Variants in KLF17 observed in about 807,000 individuals in gnomAD.
The protein encoded by KLF17 is KLF transcription factor 17.
Under a neutral mutation model 34.2 loss-of-function variants are expected in KLF17, and 31 were observed. That is an observed-to-expected ratio of 0.91 (90% CI 0.68 to 1.22). KLF17 has a LOEUF of 1.22. Among genes scored for constraint, KLF17 ranks in the 50% most tolerant of loss-of-function variants. The pLI is 0.00. For missense variants in KLF17, 478 were observed against 505.2 expected (o/e 0.95, Z 0.52); for synonymous variants, 179 against 186.7 (o/e 0.96, Z 0.34).
chr1:44,130,692 C>T lies in KLF17; in HGVS notation c.1106C>T (p.Pro369Leu). The change falls in exon 3 of 4, where the codon CCC becomes CTC. Residue 369 changes from proline (P) to leucine (L), a missense_variant. Transcript: ENST00000372299. ...KQHQKTHRPG[P>L]SDPQANNNNG... ...CACCAGAAGACTCATCGGCCGGGAC[C>T]CTCAGACCCACAGGCCAACAACAAC... The T allele has an allele frequency of 1.2e-6, 2 of 1,611,460 alleles. No homozygotes were observed. The highest frequency in any genetic ancestry group is 1.7e-6 in the Non-Finnish European group (2 of 1,179,158).
the KLF17 span, among the ~76,000 whole-genome samples, chr1:44,081,563 C>G: frequency 2.0e-5 from 3 of 151,816 alleles, no homozygotes; most frequent in South Asian, 6.2e-4. Flanking sequence ...CTACAGGTGC[C>G]CACCCCCGCA....
the KLF17 span, among the ~76,000 whole-genome samples, chr1:44,077,637 T>C: frequency 6.6e-6 from 1 of 152,196 alleles, no homozygotes; most frequent in Non-Finnish European, 1.5e-5. Context: ...TGATGCTGAC[T>C]ATTGTTTGGG....
rs139094538 is a variant in KLF17, at chr1:44,121,241, C to G, written c.81+2253C>G. Among the ~76,000 whole-genome samples the G allele has an allele frequency of 5.2e-3, 786 of 152,268 alleles. 7 individuals are homozygous for G. The highest frequency in any genetic ancestry group is 7.4e-3 in the Non-Finnish European group (505 of 68,018). ...AAGCAATTCTCGTGCCTCAGCCTCCCAAGTAGCTGGGATTACAGGCGTGTG... is the reference window on the plus strand; with the variant it reads ...AAGCAATTCTCGTGCCTCAGCCTCCGAAGTAGCTGGGATTACAGGCGTGTG... On this transcript the variant is annotated intron_variant, in intron 1 of 3. Transcript: ENST00000372299.
the KLF17 span, among the ~76,000 whole-genome samples, chr1:44,065,803 CAT>C: frequency 4.6e-5 from 7 of 152,098 alleles, no homozygotes; most frequent in African/African-American, 1.7e-4. Flanking sequence ...ATATTTATAA[CAT>C]ATATAATCAG....
intron 1 of KLF17, among the ~76,000 whole-genome samples, chr1:44,127,610 C>CTT (rs986132286): frequency 6.7e-5 from 6 of 89,380 alleles, no homozygotes; most frequent in African/African-American, 2.2e-4. Context: ...CCCTTTCTTT[C>CTT]TTTCTTTTCT....
the KLF17 span, among the ~76,000 whole-genome samples, chr1:44,102,155 T>C: frequency 6.6e-6 from 1 of 152,186 alleles, no homozygotes; most frequent in African/African-American, 2.4e-5. Context: ...CAATAATCAC[T>C]TTAATTGTCA....
In KLF17 at chr1:44,134,422, G is replaced by C. The variant is rs1237505624; in HGVS notation, c.*1185G>C. ...GCGGGTACCGTAATCCTAGCTACTC[G>C]GGAGACTGACGGGAGAATCGCTTGA... On this transcript the variant is annotated 3_prime_UTR_variant, in exon 4 of 4. Transcript: ENST00000372299. The C allele has an allele frequency of 6.6e-6, 1 of 152,210 alleles. No individual in the cohort carries two copies. Among genetic ancestry groups the C allele is most frequent in the Non-Finnish European group, 1.5e-5 (1 of 68,130 alleles). The allele number at this position is 152,210 out of a possible 1,614,324, so 9.4% of individuals were successfully genotyped here. A position where few individuals can be genotyped will look rare whatever the true frequency, so the allele number is the denominator to read the frequency against.
At chr1:44,053,481 CT>C in the KLF17 span, among the ~76,000 whole-genome samples, 2 of 152,106 alleles carry the variant, frequency 1.3e-5, no homozygotes, top group Non-Finnish European at 2.9e-5. Context: ...CACCACTTCT[CT>C]AGTGCAGAAT....
chr1:44,076,289 C>A, the KLF17 span: 15,344 of 152,344 alleles, frequency 0.1, 753 homozygotes, highest in Non-Finnish European at 0.12. Flanking sequence ...CTCCTTGCAA[C>A]CCTTCCCACT....
the KLF17 span, among the ~76,000 whole-genome samples, chr1:44,070,159 C>T: frequency 1.6e-4 from 25 of 152,278 alleles, no homozygotes; most frequent in East Asian, 4.4e-3. Context: ...CCCCAAATCT[C>T]CCTCTACCAA....
At chr1:44,097,088 CT>C in the KLF17 span, among the ~76,000 whole-genome samples, 1 of 152,146 alleles carries the variant, frequency 6.6e-6, no homozygotes, top group East Asian at 1.9e-4. Flanking sequence ...ATAGGGAATC[CT>C]TTCCCCATTG....
chr1:44,062,943 T>C, the KLF17 span, among the ~76,000 whole-genome samples: 1 of 152,170 alleles, frequency 6.6e-6, no homozygotes, highest in Non-Finnish European at 1.5e-5. Context: ...ACGAGAATGT[T>C]CATAGTAGCT....
At chr1:44,122,250 T>C in intron 1 of KLF17, 22 of 1,604,206 alleles carry the variant, frequency 1.4e-5, no homozygotes, top group Non-Finnish European at 1.9e-5. Context: ...TTTCTTAGAT[T>C]TCACCTTAGG....
At chr1:44,128,435 G>A (rs1305997167) in intron 1 of KLF17, among the ~76,000 whole-genome samples, 3 of 152,204 alleles carry the variant, frequency 2.0e-5, no homozygotes, top group African/African-American at 7.2e-5. Flanking sequence ...CTTCATGCAA[G>A]TCAGTCATTA....
chr1:44,104,914 T>C, the KLF17 span: 793 of 155,312 alleles, frequency 5.1e-3, 10 homozygotes, highest in African/African-American at 0.018. Context: ...AAACAAAACC[T>C]AGGCAGCATA....
the KLF17 span, among the ~76,000 whole-genome samples, chr1:44,090,128 CAAAA>C: frequency 1.1e-5 from 1 of 89,628 alleles, no homozygotes. Flanking sequence ...GACTCTGTCT[CAAAA>C]AAAAAAAAAA....
At chr1:44,124,964 A>G (rs1398152542) in intron 1 of KLF17, among the ~76,000 whole-genome samples, 1 of 152,154 alleles carries the variant, frequency 6.6e-6, no homozygotes, top group Non-Finnish European at 1.5e-5. Context: ...TACTGATCTC[A>G]CTAAATTACA....
chr1:44,104,344 T>A, the KLF17 span: 2 of 1,207,318 alleles, frequency 1.7e-6, no homozygotes, highest in Non-Finnish European at 2.3e-6. Flanking sequence ...AGGTTGTTGA[T>A]GTAGCTCTGG....
At position 44,129,582 on chromosome 1, in the gene KLF17, C is replaced by T. The variant is rs780007411; in HGVS notation, c.311C>T (p.Ala104Val). The change falls in exon 2 of 4, where the codon GCG becomes GTG. Residue 104 changes from alanine (A) to valine (V), a missense_variant. By Grantham distance (64) the Ala-to-Val change is moderately conservative (BLOSUM62 0). Coordinates refer to ENST00000372299, the MANE Select transcript of KLF17 (RefSeq NM_173484.4). ...PERGMSYCPQATLTPSRMIYC... is the reference protein window; with the variant it reads ...PERGMSYCPQVTLTPSRMIYC... ...CGTGGTATGAGCTACTGCCCCCAAG[C>T]GACTCTCACTCCTTCCCGGATGATT... is the stretch of plus-strand genomic sequence containing the variant. The T allele has an allele frequency of 1.5e-5, 24 of 1,613,968 alleles. No homozygotes were observed. The highest frequency in any genetic ancestry group is 5.0e-5 in the Admixed American group (3 of 60,008).
Sources: gnomAD v4.1 joint callset for allele counts (sites outside exome capture counted in the v4.1 genomes callset) on GRCh38, gnomAD v4.1.1 for gene constraint, MANE v1.5 for transcripts, NCBI Gene and HGNC (gene_info 2026-07-23, HGNC 2026-07-21) for gene names.